HTR1F: variants seen among roughly 807,000 people sequenced by gnomAD.
HTR1F encodes the protein 5-hydroxytryptamine (serotonin) receptor 1F, G protein-coupled.
A neutral mutation model predicts 24.0 loss-of-function variants in HTR1F; 17 were observed. The ratio of observed to expected loss-of-function variants is 0.71; its 90% CI spans 0.48 to 1.06. HTR1F has a LOEUF of 1.06. HTR1F is among the 50% of genes least tolerant of loss of function. The pLI is 0.00. For missense variants in HTR1F, 391 were observed against 427.8 expected (o/e 0.91, Z 0.76); for synonymous variants, 186 against 156.8 (o/e 1.19, Z -1.39).
At chr3:87,899,792 G>A (rs2107322792) in intron 2 of HTR1F, among the ~76,000 whole-genome samples, 1 of 152,318 alleles carries the variant, frequency 6.6e-6, no homozygotes, top group South Asian at 2.1e-4. Flanking sequence ...TTGAACCAGA[G>A]ATGGAGGTTG....
At chr3:87,807,483 C>T (rs572079669) in intron 1 of HTR1F, among the ~76,000 whole-genome samples, 39 of 151,566 alleles carry the variant, frequency 2.6e-4, no homozygotes, top group Admixed American at 6.6e-4. Flanking sequence ...CTTTGTATTC[C>T]GCAACTTCAT....
In HTR1F at chr3:87,835,284, G is replaced by A. The variant is rs1340727403; in HGVS notation, c.-43+13160G>A. Among the ~76,000 whole-genome samples the A allele has an allele frequency of 3.4e-5, 4 of 117,964 alleles. No homozygotes were observed. The East Asian group carries it at 1.0e-3, about 30-fold the overall frequency. The allele number at this position is 117,964 out of a possible 152,430, so 77.4% of individuals were successfully genotyped here. ...GGACCCTTACCCCCAAGACCCCCCC[G>A]CAAACCCAACCCCACCCCCAGGGCA... On this transcript the variant is annotated intron_variant, in intron 2 of 2. Coordinates refer to ENST00000319595, the MANE Select transcript of HTR1F (RefSeq NM_001322209.2).
intron 2 of HTR1F, among the ~76,000 whole-genome samples, chr3:87,905,865 G>A (rs1471163714): frequency 2.6e-5 from 4 of 152,036 alleles, no homozygotes; most frequent in South Asian, 2.1e-4. Flanking sequence ...TGAGCATTTG[G>A]GTGATAAACT....
At chr3:87,975,242 A>C (rs1705368660) in intron 2 of HTR1F, among the ~76,000 whole-genome samples, 1 of 152,116 alleles carries the variant, frequency 6.6e-6, no homozygotes, top group Admixed American at 6.6e-5. Flanking sequence ...CTTGGAGAAA[A>C]TGAATGCTTC....
rs779736434 is a variant in HTR1F, at chr3:87,991,792, C to A, written c.1043C>A (p.Thr348Lys). Residue 348 changes from threonine to lysine, a missense_variant, in exon 3 of 3, where the codon ACA becomes AAA. Physicochemically the swap from Thr to Lys is moderately conservative, Grantham distance 78 (BLOSUM62 -1). Coordinates refer to ENST00000319595, the MANE Select transcript of HTR1F (RefSeq NM_001322209.2). ...TCCCTTATAAATCCACTGATTTACA[C>A]AATCTTTAATGAAGACTTCAAGAAA... ...LNSLINPLIYTIFNEDFKKAF... is the reference protein window; with the variant it reads ...LNSLINPLIYKIFNEDFKKAF... 6 of 1,607,192 alleles carry A rather than the reference C, an allele frequency of 3.7e-6. No individual in the cohort carries two copies. Among genetic ancestry groups the A allele is most frequent in the African/African-American group, 1.3e-5 (1 of 74,456 alleles).
chr3:87,945,135 A>G (rs73141250), intron 2 of HTR1F, among the ~76,000 whole-genome samples: 66,070 of 149,234 alleles, frequency 0.44, 15,414 homozygotes, highest in African/African-American at 0.62. Context: ...TCTCTCCTCC[A>G]TCTCTCCCTC....
chr3:87,915,456 G>A (rs893403826), intron 2 of HTR1F, among the ~76,000 whole-genome samples: 2 of 151,508 alleles, frequency 1.3e-5, no homozygotes, highest in African/African-American at 4.8e-5. Flanking sequence ...CCAAAAAAAC[G>A]ATACAAGAAG....
chr3:87,870,823 T>C (rs1352066907), intron 2 of HTR1F, among the ~76,000 whole-genome samples: 1 of 152,064 alleles, frequency 6.6e-6, no homozygotes, highest in Non-Finnish European at 1.5e-5. Flanking sequence ...CATACATCTC[T>C]AATTGGAAAT....
At chr3:87,976,370 G>A (rs985363978) in intron 2 of HTR1F, among the ~76,000 whole-genome samples, 1 of 152,014 alleles carries the variant, frequency 6.6e-6, no homozygotes, top group African/African-American at 2.4e-5. Context: ...AGCTTAGCTT[G>A]ATTAACTAAT....
At chr3:87,831,154 TG>T (rs1345806375) in intron 2 of HTR1F, among the ~76,000 whole-genome samples, 3 of 151,836 alleles carry the variant, frequency 2.0e-5, no homozygotes, top group Non-Finnish European at 4.4e-5. Flanking sequence ...AAATAACTCT[TG>T]AAATATTCTT....
At chr3:87,977,373 TACAGA>T (rs1559655264) in intron 2 of HTR1F, among the ~76,000 whole-genome samples, 13 of 149,446 alleles carry the variant, frequency 8.7e-5, no homozygotes, top group African/African-American at 2.4e-4. Flanking sequence ...TTTTTCCCTC[TACAGA>T]TAATGAAGCT....
At chr3:87,816,139 T>C (rs1436275206) in intron 1 of HTR1F, among the ~76,000 whole-genome samples, 2 of 152,090 alleles carry the variant, frequency 1.3e-5, no homozygotes, top group East Asian at 1.9e-4. Flanking sequence ...AGTGGCTAAA[T>C]ATCACTCTCT....
intron 2 of HTR1F, among the ~76,000 whole-genome samples, chr3:87,836,504 A>G (rs2107166690): frequency 6.6e-6 from 1 of 152,316 alleles, no homozygotes; most frequent in South Asian, 2.1e-4. Flanking sequence ...TATGAATAAT[A>G]GAGTCATCCA....
intron 2 of HTR1F, among the ~76,000 whole-genome samples, chr3:87,939,458 C>T (rs779952722): frequency 1.3e-5 from 2 of 152,150 alleles, no homozygotes; most frequent in African/African-American, 2.4e-5. Context: ...GGTACCAGCT[C>T]CTCTTGTACC....
intron 2 of HTR1F, among the ~76,000 whole-genome samples, chr3:87,936,491 C>A (rs966102805): frequency 2.0e-5 from 3 of 152,020 alleles, no homozygotes; most frequent in African/African-American, 7.2e-5. Flanking sequence ...ATACAATAAA[C>A]ATTTAATTTT....
intron 2 of HTR1F, among the ~76,000 whole-genome samples, chr3:87,925,245 C>T (rs1354545273): frequency 6.6e-6 from 1 of 152,042 alleles, no homozygotes. Flanking sequence ...ATTGGGGCGA[C>T]CAATGGTGGC....
chr3:87,933,376 A>G (rs1231528868), intron 2 of HTR1F, among the ~76,000 whole-genome samples: 1 of 151,974 alleles, frequency 6.6e-6, no homozygotes, highest in Admixed American at 6.6e-5. Context: ...GGAGAAGGAA[A>G]TAAAGGGTAT....
chr3:87,871,838 CA>C (rs1705565336), intron 2 of HTR1F, among the ~76,000 whole-genome samples: 1 of 151,942 alleles, frequency 6.6e-6, no homozygotes, highest in South Asian at 2.1e-4. Flanking sequence ...TCGCTTACAA[CA>C]ATAGGTCAAA....
At chr3:87,875,320 G>C (rs1448500841) in intron 2 of HTR1F, among the ~76,000 whole-genome samples, 4 of 151,752 alleles carry the variant, frequency 2.6e-5, no homozygotes, top group African/African-American at 9.7e-5. Context: ...CATGGTGGTG[G>C]CTGCCTGTAA....
Sources: gnomAD v4.1 joint callset for allele counts (sites outside exome capture counted in the v4.1 genomes callset) on GRCh38, gnomAD v4.1.1 for gene constraint, MANE v1.5 for transcripts, NCBI Gene and HGNC (gene_info 2026-07-23, HGNC 2026-07-21) for gene names.